TG: variants seen among roughly 807,000 people sequenced by gnomAD.
TG encodes the protein thyroid hormones.
A neutral mutation model predicts 324.7 loss-of-function variants in TG; 270 were observed. The ratio of observed to expected loss-of-function variants is 0.83; its 90% confidence interval spans 0.75 to 0.92. The LOEUF is 0.92. TG is among the 40% of genes least tolerant of loss of function. TG has a pLI of 0.00. For missense variants in TG, 3,591 were observed against 3,456.4 expected (o/e 1.04, Z -0.98); for synonymous variants, 1,401 against 1,327.0 (o/e 1.06, Z -1.21).
intron 18 of TG, among the ~76,000 whole-genome samples, chr8:132,908,896 C>G (rs1819090743): frequency 6.6e-6 from 1 of 152,106 alleles, no homozygotes; most frequent in African/African-American, 2.4e-5. Context: ...CCTGTGAGTT[C>G]TGGGGGAGAG....
chr8:132,906,547 GC>G, intron 16 of TG, 140 bp from the exon 17 acceptor site: 2 of 930,600 alleles, frequency 2.1e-6, no homozygotes, highest in South Asian at 3.2e-5. Context: ...CCCAGGCCAG[GC>G]CCTGAGAGCT....
At chr8:132,952,037 C>T (rs909665004) in intron 27 of TG, among the ~76,000 whole-genome samples, 2 of 152,166 alleles carry the variant, frequency 1.3e-5, no homozygotes, top group African/African-American at 4.8e-5. Context: ...TGGGGACTGG[C>T]CTCTTCATCC....
At chr8:133,020,093 A>G (rs1281556641) in intron 39 of TG, among the ~76,000 whole-genome samples, 1 of 152,234 alleles carries the variant, frequency 6.6e-6, no homozygotes, top group East Asian at 1.9e-4. Flanking sequence ...ATTTACCCTT[A>G]TCTTAAAGGT....
intron 29 of TG, chr8:132,964,795 TG>T: frequency 1.5e-6 from 1 of 671,666 alleles, no homozygotes; most frequent in East Asian, 2.7e-5. Context: ...TGCCAGCCAC[TG>T]CATGACAGTG....
At chr8:132,966,253 T>C (rs1409979374) in intron 29 of TG, among the ~76,000 whole-genome samples, 1 of 152,098 alleles carries the variant, frequency 6.6e-6, no homozygotes, top group East Asian at 1.9e-4. Flanking sequence ...CTGCATTAGG[T>C]GAAAAGGTGG....
chr8:132,869,112 A>T (rs1563883700), intron 2 of TG, among the ~76,000 whole-genome samples: 1 of 152,198 alleles, frequency 6.6e-6, no homozygotes, highest in Non-Finnish European at 1.5e-5. Context: ...CCTTATTTAT[A>T]TTCCCATTCC....
intron 35 of TG, among the ~76,000 whole-genome samples, chr8:132,985,016 A>T (rs1390382533): frequency 6.6e-6 from 1 of 151,848 alleles, no homozygotes; most frequent in Non-Finnish European, 1.5e-5. Flanking sequence ...CACTCCTAGT[A>T]GCCCCAAATT....
At chr8:132,994,945 G>C in intron 35 of TG, 1 of 1,084,414 alleles carries the variant, frequency 9.2e-7, no homozygotes, top group Non-Finnish European at 1.1e-6. Context: ...CTTGTTGTGA[G>C]AGGGGTTGGC....
intron 29 of TG, among the ~76,000 whole-genome samples, chr8:132,966,317 C>T (rs1828549909): frequency 6.6e-6 from 1 of 152,124 alleles, no homozygotes; most frequent in Non-Finnish European, 1.5e-5. Flanking sequence ...TTTTGCCATC[C>T]CATAATTTTT....
Position 132,881,958 on chromosome 8 carries a change from TG to T in TG, c.736del (p.Ala246LeufsTer156). 6.2e-7 allele frequency: 1 copy of T among 1,613,010 alleles called. No individual in the cohort carries two copies. The highest frequency in any genetic ancestry group is 1.1e-5 in the South Asian group (1 of 91,052). The part of the protein sequence containing the change: ...CHCADSQGRE[L>X]AETGLELLLD... ...TGTGCTGACAGCCAAGGGCGGGAACTGGCTGAGACAGGTGAGTGATACCCCT... is the reference window on the plus strand; with the variant it reads ...TGTGCTGACAGCCAAGGGCGGGAACTGCTGAGACAGGTGAGTGATACCCCT... On this transcript the variant is annotated frameshift_variant, in exon 6 of 48. Transcript: ENST00000220616. LOFTEE classifies it high-confidence loss of function.
In TG at chr8:132,913,589, G is replaced by A. The variant is rs1236557132; in HGVS notation, c.4378+324G>A. On this transcript the variant is annotated intron_variant, in intron 20 of 47. Coordinates refer to ENST00000220616, the MANE Select transcript of TG (RefSeq NM_003235.5). ...TGGGCGCACATTTCTCAGTCTGGCT[G>A]TGGCAATGTTACTCACCACAATTTC... Among the ~76,000 whole-genome samples the A allele has an allele frequency of 2.0e-5, 3 of 152,186 alleles. 1 individual carries two copies. Among genetic ancestry groups the A allele is most frequent in the Non-Finnish European group, 4.4e-5 (3 of 68,042 alleles).
In TG at chr8:132,974,313, A is replaced by G. The variant is rs531067337; in HGVS notation, c.6199+1572A>G. Among the ~76,000 whole-genome samples, 32 of 152,248 alleles carry G rather than the reference A, an allele frequency of 2.1e-4. 1 individual carries two copies. The East Asian group carries it at 6.0e-3, about 28-fold the overall frequency. On this transcript the variant is annotated intron_variant, in intron 34 of 47. Transcript: ENST00000220616. Reference sequence around the variant, plus strand: ...CCAGCCACATTCTTTATTTCACCCAATATAACCCTTTGTCCAAAGTAGGCA... The same window carrying G: ...CCAGCCACATTCTTTATTTCACCCAGTATAACCCTTTGTCCAAAGTAGGCA...
chr8:133,030,194 G>A (rs185033162), intron 41 of TG, among the ~76,000 whole-genome samples, 171 bp downstream of exon 41: 1 of 152,334 alleles, frequency 6.6e-6, no homozygotes. Flanking sequence ...CCACAATGCT[G>A]AAGAGCTCTC....
intron 35 of TG, chr8:133,001,901 T>C (rs1833545847): frequency 2.0e-6 from 2 of 985,472 alleles, no homozygotes; most frequent in African/African-American, 3.5e-5. Context: ...CTATTCCATA[T>C]TCAGGAGCAA....
At chr8:132,919,235 A>G (rs1820792486) in intron 20 of TG, 141 bp from the exon 21 acceptor site, 5 of 898,326 alleles carry the variant, frequency 5.6e-6, no homozygotes, top group African/African-American at 3.3e-5. Context: ...AGTCTGACAC[A>G]CAGTAGGTTC....
intron 5 of TG, among the ~76,000 whole-genome samples, chr8:132,875,231 C>T (rs968337925): frequency 1.3e-5 from 2 of 152,206 alleles, no homozygotes; most frequent in Admixed American, 6.5e-5. Context: ...GAATTTCCCC[C>T]TCCAGGCCTG....
At chr8:133,024,447 T>TA (rs1835885602) in intron 40 of TG, among the ~76,000 whole-genome samples, 1 of 151,630 alleles carries the variant, frequency 6.6e-6, no homozygotes, top group African/African-American at 2.4e-5. Flanking sequence ...AACATGCAGG[T>TA]TTGTTCCATA....
In TG at chr8:132,983,892, C is replaced by A. The variant is rs1362109311; in HGVS notation, c.6262+480C>A. ...AAACACTGGCCCTGAGTCCAGGAGCCCAGGTGCCCAGGTGCCCGGTAACAT... is the reference window on the plus strand; with the variant it reads ...AAACACTGGCCCTGAGTCCAGGAGCACAGGTGCCCAGGTGCCCGGTAACAT... On this transcript the variant is annotated intron_variant, in intron 35 of 47. Transcript: ENST00000220616. 5 of 235,442 alleles carry A rather than the reference C, an allele frequency of 2.1e-5. No individual in the cohort carries two copies. In the South Asian group the frequency reaches 2.8e-4, roughly 13 times the overall value. 14.6% of individuals were successfully genotyped at this position (235,442 alleles called of 1,614,324 possible).
At chr8:132,994,474 G>A (rs1457660506) in intron 35 of TG, among the ~76,000 whole-genome samples, 2 of 152,034 alleles carry the variant, frequency 1.3e-5, no homozygotes, top group African/African-American at 4.8e-5. Flanking sequence ...ACAGTGAATG[G>A]GACCATCCCT....
Sources: allele counts gnomAD v4.1 joint callset (sites outside exome capture counted in the v4.1 genomes callset), GRCh38; gene constraint gnomAD v4.1.1; transcripts MANE v1.5; gene names NCBI Gene and HGNC (gene_info 2026-07-23, HGNC 2026-07-21).